PDE4D: variants seen among roughly 807,000 people sequenced by gnomAD.
PDE4D encodes 3',5'-cyclic-AMP phosphodiesterase 4D.
A neutral mutation model predicts 87.4 loss-of-function variants in PDE4D; 24 were observed. That is an observed-to-expected ratio of 0.27 (90% CI 0.20 to 0.39). The LOEUF is 0.39. PDE4D is among the 10% of genes least tolerant of loss of function. The probability of loss-of-function intolerance (pLI) is 1.00; values close to 1 mark genes in which losing one functional copy is unlikely to be tolerated. For missense variants in PDE4D, 714 were observed against 1,041.0 expected, an observed-to-expected ratio of 0.69 and a Z score of 4.32; for synonymous variants, 384 against 383.2, an observed-to-expected ratio of 1.00 and a Z score of -0.02.
chr5:59,684,445 A>G (rs1288942180), intron 1 of PDE4D, among the ~76,000 whole-genome samples: 1 of 152,218 alleles, frequency 6.6e-6, no homozygotes, highest in Admixed American at 6.5e-5. Flanking sequence ...TCACAGAAAA[A>G]TACAAGAATT....
chr5:60,308,005 C>T (rs1021369749), intron 1 of PDE4D, among the ~76,000 whole-genome samples: 5 of 152,142 alleles, frequency 3.3e-5, no homozygotes, highest in Non-Finnish European at 7.4e-5. Flanking sequence ...AGCACCATTG[C>T]TCTCCAGCCT....
At chr5:59,319,168 G>GTA (rs1774269970) in intron 1 of PDE4D, among the ~76,000 whole-genome samples, 1 of 107,904 alleles carries the variant, frequency 9.3e-6, no homozygotes, top group Admixed American at 9.3e-5. Context: ...ATATGTGTGT[G>GTA]TGTGTGTGTG....
At chr5:60,416,022 C>CG (rs928112721) in intron 1 of PDE4D, among the ~76,000 whole-genome samples, 14 of 152,206 alleles carry the variant, frequency 9.2e-5, no homozygotes, top group Non-Finnish European at 1.8e-4. Flanking sequence ...ATGCACCAAT[C>CG]AGCACTCTGT....
intron 5 of PDE4D, among the ~76,000 whole-genome samples, chr5:59,143,443 G>A (rs989525707): frequency 6.6e-6 from 1 of 152,192 alleles, no homozygotes; most frequent in Non-Finnish European, 1.5e-5. Flanking sequence ...AAGAGGTTGT[G>A]GAGTCAGCCT....
chr5:59,417,496 C>T (rs1793804449), intron 1 of PDE4D, among the ~76,000 whole-genome samples: 1 of 151,040 alleles, frequency 6.6e-6, no homozygotes, highest in Admixed American at 6.6e-5. Flanking sequence ...ACCTATTGAA[C>T]TTCCAGTAAG....
chr5:60,322,369 C>CAA (rs1756363705), intron 1 of PDE4D, among the ~76,000 whole-genome samples: 1 of 38,348 alleles, frequency 2.6e-5, no homozygotes, highest in Non-Finnish European at 4.4e-5. Flanking sequence ...GACACACATA[C>CAA]ACACACACAC....
intron 1 of PDE4D, among the ~76,000 whole-genome samples, chr5:59,543,555 G>A (rs1816728572): frequency 6.6e-6 from 1 of 152,118 alleles, no homozygotes; most frequent in African/African-American, 2.4e-5. Context: ...AGATATAAAG[G>A]AATCCAGGAC....
chr5:60,220,738 C>A (rs1443566353), intron 1 of PDE4D, among the ~76,000 whole-genome samples: 2 of 152,102 alleles, frequency 1.3e-5, no homozygotes, highest in Non-Finnish European at 2.9e-5. Flanking sequence ...AGGCTCAATT[C>A]AGCCATTTTT....
intron 1 of PDE4D, among the ~76,000 whole-genome samples, chr5:59,759,431 C>A (rs934587239): frequency 7.9e-5 from 12 of 152,276 alleles, no homozygotes; most frequent in Admixed American, 7.2e-4. Flanking sequence ...AGATAAATGT[C>A]AATGGTCATG....
chr5:59,816,358 G>A (rs562442217), intron 1 of PDE4D, among the ~76,000 whole-genome samples: 2 of 152,144 alleles, frequency 1.3e-5, no homozygotes, highest in African/African-American at 2.4e-5. Flanking sequence ...GGAAAATGGC[G>A]ATAAAATGCC....
At chr5:59,252,507 T>C (rs1760150728) in intron 1 of PDE4D, among the ~76,000 whole-genome samples, 1 of 151,826 alleles carries the variant, frequency 6.6e-6, no homozygotes, top group South Asian at 2.1e-4. Flanking sequence ...TGACTGAATA[T>C]GGTTAACCAT....
intron 2 of PDE4D, among the ~76,000 whole-genome samples, chr5:60,081,830 TC>T (rs1160704937): frequency 6.6e-6 from 1 of 152,154 alleles, no homozygotes; most frequent in Non-Finnish European, 1.5e-5. Context: ...CTGATGGGCT[TC>T]CCTAGTCCCT....
At chr5:59,191,497 C>CT (rs537949227) in intron 3 of PDE4D, among the ~76,000 whole-genome samples, 157 of 152,162 alleles carry the variant, frequency 1.0e-3, no homozygotes, top group African/African-American at 3.4e-3. Context: ...GATGATGTTA[C>CT]TTACATTGTT....
intron 1 of PDE4D, among the ~76,000 whole-genome samples, chr5:59,309,292 G>GT (rs1772080969): frequency 6.6e-6 from 1 of 152,086 alleles, no homozygotes; most frequent in Non-Finnish European, 1.5e-5. Context: ...CATTCAAATT[G>GT]TTACAAACTT....
chr5:60,240,646 AC>A, intron 1 of PDE4D, among the ~76,000 whole-genome samples: 1 of 152,048 alleles, frequency 6.6e-6, no homozygotes, highest in Middle Eastern at 3.4e-3. Context: ...CGCTTCTGTC[AC>A]CCCACCCCTA....
chr5:59,631,295 C>A (rs192527701), intron 1 of PDE4D, among the ~76,000 whole-genome samples: 1 of 152,112 alleles, frequency 6.6e-6, no homozygotes, highest in Non-Finnish European at 1.5e-5. Context: ...AGATTTGAAC[C>A]CACCTGTGTT....
At chr5:59,705,660 A>C (rs955946922) in intron 1 of PDE4D, among the ~76,000 whole-genome samples, 4 of 152,212 alleles carry the variant, frequency 2.6e-5, no homozygotes, top group African/African-American at 9.6e-5. Flanking sequence ...TAATGTGCCC[A>C]GAACCTATCT....
rs564522825 is a variant in PDE4D at position 59,492,032 on chromosome 5, G to A, written c.456-276064C>T. On this transcript the variant is annotated intron_variant, in intron 1 of 14. Coordinates refer to ENST00000340635, the MANE Select transcript of PDE4D (RefSeq NM_001104631.2). ...GGAATTGCCTTTATCCAAAGAGAGA[G>A]AAATCTACTGCACACAGGTGTTGAT... Among the ~76,000 whole-genome samples the A allele has an allele frequency of 2.5e-3, 386 of 152,238 alleles. 2 individuals are homozygous for A. The highest frequency in any genetic ancestry group is 9.1e-3 in the African/African-American group (376 of 41,536).
At chr5:60,431,903 T>C (rs929392913) in intron 1 of PDE4D, among the ~76,000 whole-genome samples, 3 of 152,124 alleles carry the variant, frequency 2.0e-5, no homozygotes, top group Non-Finnish European at 4.4e-5. Flanking sequence ...AAACCCCGTC[T>C]CCACCAAAAA....
Sources: gnomAD v4.1 joint callset for allele counts (sites outside exome capture counted in the v4.1 genomes callset) on GRCh38, gnomAD v4.1.1 for gene constraint, MANE v1.5 for transcripts, NCBI Gene and HGNC (gene_info 2026-07-23, HGNC 2026-07-21) for gene names.